SCAF8: variants seen among roughly 807,000 people sequenced by gnomAD.
The protein encoded by SCAF8 is SR-related and CTD-associated factor 8.
Under a neutral mutation model 140.5 loss-of-function variants are expected in SCAF8, and 23 were observed. That is an observed-to-expected ratio of 0.16 (90% CI 0.12 to 0.23). The LOEUF (loss-of-function observed/expected upper bound fraction) is 0.23, where lower values mean the gene tolerates loss of function less well. SCAF8 is among the 10% of genes least tolerant of loss of function. SCAF8 has a pLI of 1.00. For missense variants in SCAF8, 1,397 were observed against 1,555.7 expected (o/e 0.90, Z 1.72); for synonymous variants, 575 against 528.9 (o/e 1.09, Z -1.20).
Position 154,831,928 on chromosome 6 carries a change from T to TC in SCAF8, c.2360-11_2360-10insC, listed in dbSNP as rs779450239. 1.8e-5 allele frequency: 27 copies of TC among 1,489,166 alleles called. No homozygotes were observed. Among genetic ancestry groups the TC allele is most frequent in the African/African-American group, 4.3e-5 (3 of 70,334 alleles). The allele number at this position is 1,489,166 out of a possible 1,614,324, so 92.2% of individuals were successfully genotyped here. A position where few individuals can be genotyped will look rare whatever the true frequency, so the allele number is the denominator to read the frequency against. On this transcript the variant is annotated splice_polypyrimidine_tract_variant and intron_variant, in intron 19 of 19. Coordinates refer to ENST00000367178, the MANE Select transcript of SCAF8 (RefSeq NM_014892.5). ...TTATTTTGAGTTTTTTCTCTCTCTC[T>TC]TTTTTTTTAGTGATTCCAAATGATA...
At chr6:154,831,703 TAAAAAAAAAAAA>T (rs58013583) in intron 19 of SCAF8, among the ~76,000 whole-genome samples, 6,743 of 47,586 alleles carry the variant, frequency 0.14, 216 homozygotes, top group East Asian at 0.31. Context: ...CTCCTGTTCT[TAAAAAAAAAAAA>T]AAAAAAAAAA....
At chr6:154,798,465 C>T (rs1452198323) in intron 6 of SCAF8, among the ~76,000 whole-genome samples, 1 of 151,336 alleles carries the variant, frequency 6.6e-6, no homozygotes, top group African/African-American at 2.4e-5. Context: ...GCGATTTTTC[C>T]ATTTGCTCAT....
rs1777986638 is a variant in SCAF8, at chr6:154,808,397, T to C, written c.1113+196T>C. ...GCCAAGCACATGGCCCAGAACTGCTTTGAATGCAGCCCAACACAAATTTGT... is the reference window on the plus strand; with the variant it reads ...GCCAAGCACATGGCCCAGAACTGCTCTGAATGCAGCCCAACACAAATTTGT... On this transcript the variant is annotated intron_variant, in intron 10 of 19. Transcript: ENST00000367178. 2.0e-5 allele frequency among the ~76,000 whole-genome samples: 3 copies of C among 152,232 alleles called. No homozygotes were observed. In the South Asian group the frequency reaches 6.2e-4, roughly 31 times the overall value.
chr6:154,784,149 A>ATATATATATATATATATATATATATT (rs1777179212), intron 3 of SCAF8, among the ~76,000 whole-genome samples: 1 of 100,734 alleles, frequency 9.9e-6, no homozygotes, highest in African/African-American at 4.6e-5. Context: ...ATATATATAT[A>ATATATATATATATATATATATATATT]TATATATATT....
chr6:154,745,100 A>C (rs535363370), intron 1 of SCAF8, among the ~76,000 whole-genome samples: 1 of 152,370 alleles, frequency 6.6e-6, no homozygotes, highest in South Asian at 2.1e-4. Flanking sequence ...TAAATTCTAC[A>C]TCACACCTTA....
intron 1 of SCAF8, among the ~76,000 whole-genome samples, chr6:154,748,478 A>G (rs1212630383): frequency 6.6e-6 from 1 of 152,234 alleles, no homozygotes; most frequent in Non-Finnish European, 1.5e-5. Flanking sequence ...TCTCTGGCTG[A>G]ATATGAGCAC....
At chr6:154,783,303 A>T (rs542840012) in intron 3 of SCAF8, among the ~76,000 whole-genome samples, 70 of 152,344 alleles carry the variant, frequency 4.6e-4, no homozygotes, top group African/African-American at 1.7e-3. Context: ...ATTATCATTC[A>T]GAACTATTTA....
Position 154,733,701 on chromosome 6 carries a change from T to C in SCAF8, c.-200T>C. The C allele has an allele frequency of 1.8e-6, 2 of 1,104,266 alleles. No homozygotes were observed. Among genetic ancestry groups the C allele is most frequent in the Non-Finnish European group, 2.2e-6 (2 of 903,300 alleles). The allele number at this position is 1,104,266 out of a possible 1,614,324, so 68.4% of individuals were successfully genotyped here. On this transcript the variant is annotated 5_prime_UTR_variant, in exon 1 of 20. The change abolishes an upstream ATG in the 5' untranslated region. Coordinates refer to ENST00000367178, the MANE Select transcript of SCAF8 (RefSeq NM_014892.5). The stretch of plus-strand genomic sequence containing the variant: ...GGCGCTCCCCCCGCCCTAGCGGCCA[T>C]GCCGGTGCCGCTCTGCCGCTGAGGG...
intron 5 of SCAF8, among the ~76,000 whole-genome samples, chr6:154,793,410 T>A (rs2114880398): frequency 6.6e-6 from 1 of 151,980 alleles, no homozygotes; most frequent in Admixed American, 6.5e-5. Context: ...GATAAAAAAT[T>A]TTTATCAAAG....
chr6:154,788,117 T>A, intron 4 of SCAF8, 95 bp downstream of exon 4: 1 of 1,028,442 alleles, frequency 9.7e-7, no homozygotes, highest in Non-Finnish European at 1.4e-6. Context: ...TACAGTCATG[T>A]GCCACATAAT....
intron 6 of SCAF8, among the ~76,000 whole-genome samples, chr6:154,800,709 G>A (rs1473017076): frequency 6.6e-6 from 1 of 151,150 alleles, no homozygotes; most frequent in African/African-American, 2.4e-5. Context: ...AGAAAACATG[G>A]GGCCATTCTA....
intron 1 of SCAF8, among the ~76,000 whole-genome samples, chr6:154,755,842 GCA>G (rs1166171639): frequency 6.6e-6 from 1 of 152,166 alleles, no homozygotes; most frequent in African/African-American, 2.4e-5. Context: ...TAGTAGGAAA[GCA>G]CAGAGTTCTT....
At position 154,824,317 on chromosome 6, in the gene SCAF8, C is replaced by A; in HGVS notation, c.2010C>A (p.Phe670Leu). 6.2e-7 allele frequency: 1 copy of A among 1,613,918 alleles called. No individual in the cohort carries two copies. Among genetic ancestry groups the A allele is most frequent in the Non-Finnish European group, 8.5e-7 (1 of 1,179,786 alleles). Residue 670 changes from phenylalanine (F) to leucine (L), a missense_variant, in exon 17 of 20, where the codon TTC becomes TTA. By Grantham distance (22) the Phe-to-Leu change is conservative (BLOSUM62 0). Coordinates refer to ENST00000367178, the MANE Select transcript of SCAF8 (RefSeq NM_014892.5). ...PVSMPVPPPG[F>L]SPIPPPPFLR... is the part of the protein sequence containing the mutation. The stretch of plus-strand genomic sequence containing the variant: ...CGATGCCGGTTCCTCCTCCTGGATT[C>A]AGTCCAATCCCTCCACCTCCTTTTT...
intron 1 of SCAF8, among the ~76,000 whole-genome samples, chr6:154,770,386 A>ACTCTCTCT (rs1195298497): frequency 4.5e-5 from 6 of 133,426 alleles, no homozygotes; most frequent in South Asian, 2.5e-4. Context: ...ACACACACAC[A>ACTCTCTCT]CACTCTCTCT....
chr6:154,820,428 C>T, intron 15 of SCAF8, 95 bp downstream of exon 15: 1 of 961,338 alleles, frequency 1.0e-6, no homozygotes, highest in Non-Finnish European at 1.6e-6. Flanking sequence ...ACTGTGTATC[C>T]TGGATTCATC....
rs4385322 is a variant in SCAF8, at chr6:154,734,189, C to G, written c.30+259C>G. Reference sequence around the variant, plus strand: ...GCGTCCTATGGAATGGCTGCGAGCTCGGAGGGAAAGACCCGGTTGGGCCCT... The same window carrying G: ...GCGTCCTATGGAATGGCTGCGAGCTGGGAGGGAAAGACCCGGTTGGGCCCT... On this transcript the variant is annotated intron_variant, in intron 1 of 19. Transcript: ENST00000367178. Among the ~76,000 whole-genome samples the G allele has an allele frequency of 1.1e-3, 161 of 151,756 alleles. 1 individual carries two copies. The highest frequency in any genetic ancestry group is 1.4e-3 in the Non-Finnish European group (95 of 67,850).
intron 18 of SCAF8, among the ~76,000 whole-genome samples, chr6:154,828,086 T>C (rs1778622472): frequency 6.6e-6 from 1 of 152,222 alleles, no homozygotes; most frequent in African/African-American, 2.4e-5. Context: ...CTTTTAATGA[T>C]GTTAAGATTG....
At chr6:154,751,387 C>G (rs1333022384) in intron 1 of SCAF8, among the ~76,000 whole-genome samples, 1 of 152,132 alleles carries the variant, frequency 6.6e-6, no homozygotes, top group Non-Finnish European at 1.5e-5. Context: ...CGCCACCCTG[C>G]CTGGCTAATT....
At chr6:154,763,253 T>G (rs1776457814) in intron 1 of SCAF8, among the ~76,000 whole-genome samples, 1 of 152,196 alleles carries the variant, frequency 6.6e-6, no homozygotes, top group African/African-American at 2.4e-5. Context: ...GAAAAATATC[T>G]GGTTAGCATG....
Sources: allele counts gnomAD v4.1 joint callset (sites outside exome capture counted in the v4.1 genomes callset), GRCh38; gene constraint gnomAD v4.1.1; transcripts MANE v1.5; gene names NCBI Gene and HGNC (gene_info 2026-07-23, HGNC 2026-07-21).